MEGF9: variants seen among roughly 807,000 people sequenced by gnomAD.
MEGF9 encodes multiple EGF like domains 9.
MEGF9 carries 6 observed loss-of-function variants against 46.8 expected under a neutral mutation model. That is an observed-to-expected ratio of 0.13 (90% confidence interval 0.07 to 0.25). The LOEUF is 0.25. Among genes scored for constraint, MEGF9 ranks in the 10% least tolerant of loss-of-function variants. The pLI is 1.00. For synonymous variants in MEGF9, 302 were observed against 330.7 expected (o/e 0.91, Z 0.94); for missense variants, 683 against 792.4 (o/e 0.86, Z 1.66).
intron 2 of MEGF9, among the ~76,000 whole-genome samples, chr9:120,649,012 G>A (rs2043637612): frequency 6.6e-6 from 1 of 152,156 alleles, no homozygotes; most frequent in Non-Finnish European, 1.5e-5. Flanking sequence ...GTCTTCAGAT[G>A]CTCAAGTCCT....
intron 2 of MEGF9, among the ~76,000 whole-genome samples, chr9:120,638,288 A>C (rs1224953055): frequency 6.6e-6 from 1 of 152,230 alleles, no homozygotes; most frequent in Non-Finnish European, 1.5e-5. Flanking sequence ...CACCACACCC[A>C]GCTGAAAAAG....
intron 2 of MEGF9, among the ~76,000 whole-genome samples, chr9:120,628,464 CGTT>C (rs1455929050): frequency 4.4e-4 from 27 of 60,774 alleles, no homozygotes; most frequent in African/African-American, 1.3e-3. Context: ...AAATTCTTGT[CGTT>C]GTTTTTTTTT....
chr9:120,639,508 T>TAAAAAAAAA (rs61638928), intron 2 of MEGF9, among the ~76,000 whole-genome samples: 1 of 105,180 alleles, frequency 9.5e-6, no homozygotes, highest in African/African-American at 3.9e-5. Flanking sequence ...ACTCCGTCTT[T>TAAAAAAAAA]AAAAAAAAAA....
rs1335385734 is a variant in MEGF9 at position 120,601,289 on chromosome 9, A to C, written c.*3901T>G. The C allele has an allele frequency of 6.6e-6, 1 of 152,236 alleles. No individual in the cohort carries two copies. The highest frequency in any genetic ancestry group is 1.5e-5 in the Non-Finnish European group (1 of 68,042). 9.4% of individuals were successfully genotyped at this position (152,236 alleles called of 1,614,324 possible). On this transcript the variant is annotated 3_prime_UTR_variant, in exon 6 of 6. Coordinates refer to ENST00000373930, the MANE Select transcript of MEGF9 (RefSeq NM_001080497.3). ...ACAATTCCTACCCACATAGCCCAAAATATAGGAACCAGGGATGTTCATTAT... is the reference window on the plus strand; with the variant it reads ...ACAATTCCTACCCACATAGCCCAAACTATAGGAACCAGGGATGTTCATTAT...
chr9:120,602,078 C>G lies in MEGF9; in HGVS notation c.*3112G>C, dbSNP rs559031531. On this transcript the variant is annotated 3_prime_UTR_variant, in exon 6 of 6. Transcript: ENST00000373930. ...AGGCTGGAGTGAAATGGCGCCATCTCGGCTCACTGTAACCTCTGCCTCCCA... is the reference window on the plus strand; with the variant it reads ...AGGCTGGAGTGAAATGGCGCCATCTGGGCTCACTGTAACCTCTGCCTCCCA... The G allele has an allele frequency of 2.0e-5, 3 of 152,216 alleles. No individual in the cohort carries two copies. Among genetic ancestry groups the G allele is most frequent in the Non-Finnish European group, 4.4e-5 (3 of 68,138 alleles). 9.4% of individuals were successfully genotyped at this position (152,216 alleles called of 1,614,324 possible).
chr9:120,693,164 A>C (rs2043858162), intron 1 of MEGF9, among the ~76,000 whole-genome samples: 1 of 152,108 alleles, frequency 6.6e-6, no homozygotes. Flanking sequence ...TTGTTACTTA[A>C]ATAAAAGTGA....
Position 120,637,790 on chromosome 9 carries a change from C to CAAAAAA in MEGF9, c.804-15041_804-15036dup, listed in dbSNP as rs34861368. Among the ~76,000 whole-genome samples, 9 of 34,790 alleles carry CAAAAAA rather than the reference C, an allele frequency of 2.6e-4. 2 individuals carry two copies. Among genetic ancestry groups the CAAAAAA allele is most frequent in the Admixed American group, 9.7e-4 (2 of 2,064 alleles). The allele number at this position is 34,790 out of a possible 152,430, so 22.8% of individuals were successfully genotyped here. A position where few individuals can be genotyped will look rare whatever the true frequency, so the allele number is the denominator to read the frequency against. ...AGGGCAACAGGGCAAGACTCTGTCT[C>CAAAAAA]AAAAAAAAAAAAAAAAAAAAAAAAA... On this transcript the variant is annotated intron_variant, in intron 2 of 5. Coordinates refer to ENST00000373930, the MANE Select transcript of MEGF9 (RefSeq NM_001080497.3).
intron 1 of MEGF9, among the ~76,000 whole-genome samples, chr9:120,666,120 A>G (rs1367657640): frequency 6.6e-6 from 1 of 152,164 alleles, no homozygotes; most frequent in African/African-American, 2.4e-5. Flanking sequence ...ATTTCTGTGA[A>G]GAATATCATT....
intron 1 of MEGF9, among the ~76,000 whole-genome samples, chr9:120,672,778 C>T (rs1420791298): frequency 1.3e-5 from 2 of 152,128 alleles, no homozygotes; most frequent in Non-Finnish European, 1.5e-5. Context: ...AATCCCAGCA[C>T]TTTGAGAGGC....
intron 3 of MEGF9, among the ~76,000 whole-genome samples, chr9:120,613,093 T>C (rs1289696637): frequency 6.6e-6 from 1 of 152,122 alleles, no homozygotes; most frequent in Non-Finnish European, 1.5e-5. Flanking sequence ...TGCGTTGGCC[T>C]CCCAAAGTTT....
At chr9:120,658,126 A>G (rs958649724) in intron 2 of MEGF9, among the ~76,000 whole-genome samples, 3 of 152,044 alleles carry the variant, frequency 2.0e-5, no homozygotes, top group African/African-American at 7.2e-5. Flanking sequence ...CTGGGACTAC[A>G]GGTGTGTGCC....
intron 5 of MEGF9, among the ~76,000 whole-genome samples, chr9:120,607,229 A>C (rs2043423470): frequency 6.6e-6 from 1 of 152,214 alleles, no homozygotes; most frequent in South Asian, 2.1e-4. Context: ...TCCTATAAGA[A>C]ATATTTTGCC....
intron 3 of MEGF9, among the ~76,000 whole-genome samples, chr9:120,620,231 A>C (rs1298423411): frequency 6.6e-6 from 1 of 152,214 alleles, no homozygotes; most frequent in Non-Finnish European, 1.5e-5. Flanking sequence ...GAGAATCAGC[A>C]ATGTAGACTG....
At chr9:120,628,495 T>C (rs868221010) in intron 2 of MEGF9, among the ~76,000 whole-genome samples, 1,474 of 142,738 alleles carry the variant, frequency 0.01, 31 homozygotes, top group African/African-American at 0.036. Flanking sequence ...TTTTTTTTTT[T>C]CAGAGACAGA....
At chr9:120,674,625 G>A (rs944539725) in intron 1 of MEGF9, among the ~76,000 whole-genome samples, 17 of 151,914 alleles carry the variant, frequency 1.1e-4, no homozygotes, top group Non-Finnish European at 2.2e-4. Context: ...CTGGAGTGCA[G>A]TGGCATGACC....
At chr9:120,610,877 T>C (rs1474423165) in intron 4 of MEGF9, among the ~76,000 whole-genome samples, 1 of 152,154 alleles carries the variant, frequency 6.6e-6, no homozygotes, top group Non-Finnish European at 1.5e-5. Context: ...TTAAGGGACT[T>C]GTATCTAGAA....
At chr9:120,624,594 G>A (rs115165666) in intron 2 of MEGF9, among the ~76,000 whole-genome samples, 2,779 of 152,248 alleles carry the variant, frequency 0.018, 61 homozygotes, top group African/African-American at 0.053. Context: ...TAGGCCGGGC[G>A]TGGTGGCTCA....
intron 3 of MEGF9, among the ~76,000 whole-genome samples, chr9:120,621,921 T>C (rs953052258): frequency 6.8e-6 from 1 of 146,934 alleles, no homozygotes; most frequent in Non-Finnish European, 1.5e-5. Context: ...TGTGTCTCCT[T>C]AGCCCTAAAA....
In MEGF9 at chr9:120,714,270, G is replaced by A. The variant is rs200946879; in HGVS notation, c.89C>T (p.Ala30Val). The change falls in exon 1 of 6, where the codon GCC becomes GTC. Residue 30 changes from alanine (A) to valine (V), a missense_variant. By Grantham distance (64) the Ala-to-Val change is moderately conservative. Coordinates refer to ENST00000373930, the MANE Select transcript of MEGF9 (RefSeq NM_001080497.3). ...LLCCAAAAAA[A>V]AVASAASAGN... is the part of the protein sequence containing the mutation. ...CGCCGAGGCGGCTGAGGCGACGGCG[G>A]CGGCGGCGGCGGCGGCGGCGCAGCA... The A allele has an allele frequency of 7.4e-5, 9 of 122,328 alleles. No individual in the cohort carries two copies. The highest frequency in any genetic ancestry group is 1.8e-3 in the Middle Eastern group (1 of 548). 7.6% of individuals were successfully genotyped at this position (122,328 alleles called of 1,614,324 possible). A position where few individuals can be genotyped will look rare whatever the true frequency, so the allele number is the denominator to read the frequency against.
Sources: allele counts gnomAD v4.1 joint callset (sites outside exome capture counted in the v4.1 genomes callset), GRCh38; gene constraint gnomAD v4.1.1; transcripts MANE v1.5; gene names NCBI Gene and HGNC (gene_info 2026-07-23, HGNC 2026-07-21).